The following CEP85L variants were observed in gnomAD, a reference collection of about 807,000 sequenced individuals.
The protein encoded by CEP85L is centrosomal protein 85L.
Under a neutral mutation model 100.3 loss-of-function variants are expected in CEP85L, and 60 were observed. The observed-to-expected ratio is 0.60, with a 90% confidence interval of 0.49 to 0.74. CEP85L has a LOEUF of 0.74. Ranked by LOEUF, CEP85L falls within the 30% of genes least tolerant of loss-of-function variation. The pLI, the probability that CEP85L is intolerant of heterozygous loss-of-function variation, is 0.00. For synonymous variants in CEP85L, 319 were observed against 322.7 expected (o/e 0.99, Z 0.12); for missense variants, 973 against 936.2 (o/e 1.04, Z -0.51).
At chr6:118,472,472 C>G (rs956717947) in intron 10 of CEP85L, among the ~76,000 whole-genome samples, 1 of 152,126 alleles carries the variant, frequency 6.6e-6, no homozygotes, top group South Asian at 2.1e-4. Flanking sequence ...GGTATGAGTG[C>G]TATAGTTGTC....
At chr6:118,540,423 T>C (rs1285713649) in intron 3 of CEP85L, among the ~76,000 whole-genome samples, 28 of 152,110 alleles carry the variant, frequency 1.8e-4, no homozygotes, top group Admixed American at 1.6e-3. Flanking sequence ...TAAAAGATTA[T>C]AGCTCAAAGA....
At chr6:118,563,571 T>C (rs956869105) in intron 3 of CEP85L, among the ~76,000 whole-genome samples, 6 of 152,316 alleles carry the variant, frequency 3.9e-5, no homozygotes, top group Admixed American at 3.9e-4. Flanking sequence ...GTTCTTCTCT[T>C]TATGTAAAAA....
intron 2 of CEP85L, among the ~76,000 whole-genome samples, chr6:118,600,301 GTGTGTGTGTGTGTGTGTGTGT>G (rs1279389272): frequency 1.3e-4 from 4 of 30,422 alleles, no homozygotes; most frequent in African/African-American, 5.0e-4. Context: ...CTTCCTGGGG[GTGTGTGTGTGTGTGTGTGTGT>G]GTGTGTGTGT....
At position 118,464,100 on chromosome 6, in the gene CEP85L, C is replaced by G. The variant is rs1314506581; in HGVS notation, c.*1305G>C. The stretch of plus-strand genomic sequence containing the variant: ...ACTTGGTTGCATCACAAGATCAAAC[C>G]AACTTACAAAGGACAAGGCTTTCGC... On this transcript the variant is annotated 3_prime_UTR_variant, in exon 13 of 13. Transcript: ENST00000368491. 2 of 152,128 alleles carry G rather than the reference C, an allele frequency of 1.3e-5. No individual in the cohort carries two copies. The highest frequency in any genetic ancestry group is 2.4e-5 in the African/African-American group (1 of 41,448). 9.4% of individuals were successfully genotyped at this position (152,128 alleles called of 1,614,324 possible).
At chr6:118,574,434 T>C (rs570546340) in intron 2 of CEP85L, among the ~76,000 whole-genome samples, 10 of 152,348 alleles carry the variant, frequency 6.6e-5, no homozygotes, top group African/African-American at 2.4e-4. Flanking sequence ...ACCACCCTTC[T>C]GCAGAAGTAA....
At chr6:118,590,138 GC>G (rs1221239402) in intron 2 of CEP85L, among the ~76,000 whole-genome samples, 3 of 151,828 alleles carry the variant, frequency 2.0e-5, no homozygotes, top group African/African-American at 7.3e-5. Context: ...TCCTGGTCAA[GC>G]CCCCCTCACT....
At chr6:118,479,970 T>C in intron 9 of CEP85L, 49 bp from the exon 10 acceptor site, 1 of 938,070 alleles carries the variant, frequency 1.1e-6, no homozygotes, top group Non-Finnish European at 1.6e-6. Flanking sequence ...ACATCGCTTC[T>C]TAAAAGTACC....
intron 1 of CEP85L, among the ~76,000 whole-genome samples, chr6:118,671,474 C>T (rs1005993298): frequency 1.3e-5 from 2 of 152,172 alleles, no homozygotes; most frequent in South Asian, 2.1e-4. Flanking sequence ...AATTAATTTC[C>T]GTTAGTAAAA....
At chr6:118,509,682 C>T (rs1379998790) in intron 5 of CEP85L, among the ~76,000 whole-genome samples, 1 of 151,732 alleles carries the variant, frequency 6.6e-6, no homozygotes, top group African/African-American at 2.4e-5. Context: ...GAATAAAGGC[C>T]GTAATGAAGA....
chr6:118,654,435 C>G (rs745882110), upstream of CEP85L, among the ~76,000 whole-genome samples: 12 of 151,986 alleles, frequency 7.9e-5, no homozygotes, highest in Non-Finnish European at 1.5e-4. Context: ...GAAATAGTTC[C>G]TAAAGAACTA....
chr6:118,574,288 G>C (rs1780085449), intron 2 of CEP85L, among the ~76,000 whole-genome samples: 1 of 152,180 alleles, frequency 6.6e-6, no homozygotes, highest in African/African-American at 2.4e-5. Context: ...TTAAGTCTTA[G>C]CCAGTCAGGT....
At chr6:118,523,683 C>T (rs1339208018) in intron 4 of CEP85L, 119 bp downstream of exon 4, 1 of 493,714 alleles carries the variant, frequency 2.0e-6, no homozygotes, top group Non-Finnish European at 3.5e-6. Flanking sequence ...AGAGATGTGA[C>T]ATCAATGAAT....
intron 3 of CEP85L, among the ~76,000 whole-genome samples, chr6:118,534,656 C>T (rs1265440297): frequency 6.6e-6 from 1 of 151,942 alleles, no homozygotes; most frequent in African/African-American, 2.4e-5. Context: ...TCTAATGATG[C>T]ATAGAGTAAA....
intron 10 of CEP85L, among the ~76,000 whole-genome samples, chr6:118,479,225 CTG>C (rs1458380962): frequency 5.3e-5 from 8 of 152,124 alleles, no homozygotes; most frequent in Non-Finnish European, 1.0e-4. Flanking sequence ...AGAAAGAAGA[CTG>C]TATATAATGG....
chr6:118,520,699 T>C (rs151316944), intron 4 of CEP85L, among the ~76,000 whole-genome samples: 1,749 of 152,302 alleles, frequency 0.011, 20 homozygotes, highest in Non-Finnish European at 0.019. Context: ...TCCCCCAGCC[T>C]TCCCGCCTCC....
intron 1 of CEP85L, among the ~76,000 whole-genome samples, chr6:118,672,968 G>A (rs1342345289): frequency 3.3e-5 from 5 of 152,104 alleles, no homozygotes; most frequent in Middle Eastern, 3.2e-3. Context: ...GGTTTCCTTG[G>A]GTGTAATTGA....
chr6:118,638,026 C>T (rs1026880871), intron 1 of CEP85L, among the ~76,000 whole-genome samples: 4 of 152,024 alleles, frequency 2.6e-5, no homozygotes, highest in African/African-American at 7.2e-5. Flanking sequence ...TAGATACTCC[C>T]ATACACTGAT....
rs138925552 is a variant in CEP85L, at chr6:118,628,637, AAAACAAAC to A, written c.232+3808_232+3815del. Among the ~76,000 whole-genome samples the A allele has an allele frequency of 4.5e-3, 684 of 150,554 alleles. 3 individuals carry two copies. Among genetic ancestry groups the A allele is most frequent in the Middle Eastern group, 0.01 (3 of 288 alleles). ...GCAACAGAGCAAGACTCCATCCAAA[AAAACAAAC>A]AAACAAACAAACAAACAAACAAACA... On this transcript the variant is annotated intron_variant, in intron 2 of 12. Coordinates refer to ENST00000368491, the MANE Select transcript of CEP85L (RefSeq NM_001042475.3).
chr6:118,606,421 C>T (rs945903111), intron 2 of CEP85L, among the ~76,000 whole-genome samples: 1 of 152,218 alleles, frequency 6.6e-6, no homozygotes, highest in African/African-American at 2.4e-5. Flanking sequence ...TGTGAAAGTG[C>T]AAAATGTCAG....
Sources: allele counts gnomAD v4.1 joint callset (sites outside exome capture counted in the v4.1 genomes callset), GRCh38; gene constraint gnomAD v4.1.1; transcripts MANE v1.5; gene names NCBI Gene and HGNC (gene_info 2026-07-23, HGNC 2026-07-21).